The following IDO1 variants were observed in gnomAD, a reference collection of about 807,000 sequenced individuals.
IDO1 encodes the protein indoleamine 2,3-dioxygenase 1, also known as indolamine 2,3 dioxygenase.
Under a neutral mutation model 38.8 loss-of-function variants are expected in IDO1, and 35 were observed. That is an observed-to-expected ratio of 0.90 (90% CI 0.69 to 1.20). IDO1 has a LOEUF of 1.20. Ranked by LOEUF, IDO1 falls within the 50% of genes most tolerant of loss-of-function variation. The pLI is 0.00. For missense variants in IDO1, 509 were observed against 485.1 expected (o/e 1.05, Z -0.46); for synonymous variants, 171 against 170.0 (o/e 1.01, Z -0.05).
Position 39,927,929 on chromosome 8 carries a change from T to C in IDO1, c.956T>C (p.Phe319Ser). Residue 319 changes from phenylalanine (F) to serine (S), a missense_variant, in exon 10 of 10, where the codon TTT becomes TCT. Transcript: ENST00000518237. Reference sequence around the variant, plus strand: ...GAGTCAAATCCCTCAGTCCGTGAGTTTGTCCTTTCAAAAGGTGATGCTGGC... The same window carrying C: ...GAGTCAAATCCCTCAGTCCGTGAGTCTGTCCTTTCAAAAGGTGATGCTGGC... ...SLESNPSVRE[F>S]VLSKGDAGLR... The C allele has an allele frequency of 6.2e-7, 1 of 1,607,756 alleles. No individual in the cohort carries two copies. Among genetic ancestry groups the C allele is most frequent in the Non-Finnish European group, 8.5e-7 (1 of 1,177,034 alleles).
At chr8:39,916,094 A>G (rs1344242861) in intron 1 of IDO1, among the ~76,000 whole-genome samples, 1 of 152,152 alleles carries the variant, frequency 6.6e-6, no homozygotes, top group African/African-American at 2.4e-5. Flanking sequence ...TGAACCTGGG[A>G]GTCGGAGGTT....
Position 39,928,073 on chromosome 8 carries a change from C to T in IDO1, c.1100C>T (p.Thr367Ile), listed in dbSNP as rs1172368175. The stretch of plus-strand genomic sequence containing the variant: ...AGCCAGCAGCCAAAGGAGAATAAGA[C>T]CTCTGAAGACCCTTCAAAACTGGAA... ...PASQQPKENK[T>I]SEDPSKLEAK... The change falls in exon 10 of 10, where the codon ACC (threonine) becomes ATC (isoleucine). Residue 367 changes from threonine (T) to isoleucine (I), a missense_variant. By Grantham distance (89) the Thr-to-Ile change is moderately conservative. Coordinates refer to ENST00000518237, the MANE Select transcript of IDO1 (RefSeq NM_002164.6). 1 of 1,612,586 alleles carries T rather than the reference C, an allele frequency of 6.2e-7. No homozygotes were observed. The highest frequency in any genetic ancestry group is 8.5e-7 in the Non-Finnish European group (1 of 1,179,342).
chr8:39,924,781 T>A lies in IDO1; in HGVS notation c.707+9T>A. On this transcript the variant is annotated intron_variant, in intron 8 of 9. Coordinates refer to ENST00000518237, the MANE Select transcript of IDO1 (RefSeq NM_002164.6). ...CGCATATATTTGTCTGGGTATGTAG[T>A]CTTATGTTTGAATTTGTTTGCTCTC... 6.3e-7 allele frequency: 1 copy of A among 1,599,232 alleles called. No individual in the cohort carries two copies. The highest frequency in any genetic ancestry group is 8.6e-7 in the Non-Finnish European group (1 of 1,168,132).
chr8:39,920,245 A>C, intron 5 of IDO1, 131 bp downstream of exon 5: 1 of 653,686 alleles, frequency 1.5e-6, no homozygotes, highest in Non-Finnish European at 2.6e-6. Flanking sequence ...TTAAGTGACT[A>C]TTTAGAGAAC....
intron 6 of IDO1, 184 bp downstream of exon 6, chr8:39,922,835 G>A: frequency 1.7e-6 from 1 of 600,468 alleles, no homozygotes; most frequent in Non-Finnish European, 2.9e-6. Context: ...TAAAATCTCA[G>A]AGCCATATAC....
chr8:39,920,109 T>G lies in IDO1; in HGVS notation c.432T>G (p.Thr144=). The G allele has an allele frequency of 6.2e-7, 1 of 1,609,900 alleles. No homozygotes were observed. Reference sequence around the variant, plus strand: ...TGGCTGCTTTCATAAGGCCCCTGACTTATGAGTAAGTATCTGATTCTTGTT... The same window carrying G: ...TGGCTGCTTTCATAAGGCCCCTGACGTATGAGTAAGTATCTGATTCTTGTT... ...WKKKDPNKPL[T]YENMDVLFSF... is the part of the protein sequence containing the mutation. The change falls in exon 5 of 10, where the codon ACT becomes ACG. Residue 144 remains threonine (T), a synonymous_variant. Coordinates refer to ENST00000518237, the MANE Select transcript of IDO1 (RefSeq NM_002164.6).
chr8:39,924,124 A>C (rs1415080287), intron 7 of IDO1, among the ~76,000 whole-genome samples: 2 of 152,160 alleles, frequency 1.3e-5, no homozygotes, highest in Non-Finnish European at 2.9e-5. Flanking sequence ...TACTGAACAG[A>C]CTCAACAAAT....
chr8:39,926,438 G>A (rs1807360578), intron 9 of IDO1, among the ~76,000 whole-genome samples: 3 of 152,174 alleles, frequency 2.0e-5, no homozygotes, highest in African/African-American at 7.2e-5. Flanking sequence ...CCCTGCTCTT[G>A]TTCAGCTGTC....
Position 39,919,766 on chromosome 8 carries a change from A to G in IDO1, c.423-334A>G, listed in dbSNP as rs530906132. Among the ~76,000 whole-genome samples the G allele has an allele frequency of 9.9e-5, 15 of 152,258 alleles. No individual in the cohort carries two copies. The South Asian group carries it at 1.7e-3, about 17-fold the overall frequency. On this transcript the variant is annotated intron_variant, in intron 4 of 9. Coordinates refer to ENST00000518237, the MANE Select transcript of IDO1 (RefSeq NM_002164.6). ...AAGGCAGGAGGATCACTTCAGCCCAAGAAGTTGAGGCTGCAGTGAGCCATG... is the reference window on the plus strand; with the variant it reads ...AAGGCAGGAGGATCACTTCAGCCCAGGAAGTTGAGGCTGCAGTGAGCCATG...
At chr8:39,918,532 G>A in intron 3 of IDO1, 1 of 462,010 alleles carries the variant, frequency 2.2e-6, no homozygotes, top group Non-Finnish European at 3.9e-6. Context: ...GATCACCTGA[G>A]GTCAGGAGTT....
Position 39,922,665 on chromosome 8 carries a change from C to T in IDO1, c.537+14C>T. The T allele has an allele frequency of 6.4e-7, 1 of 1,553,508 alleles. No homozygotes were observed. Among genetic ancestry groups the T allele is most frequent in the Non-Finnish European group, 8.9e-7 (1 of 1,125,534 alleles). On this transcript the variant is annotated intron_variant, in intron 6 of 9. Transcript: ENST00000518237. Reference sequence around the variant, plus strand: ...TCTGCAATCAAAGTACGTCTATCCTCACTTCAAAATTTATATGTCAATTTA... The same window carrying T: ...TCTGCAATCAAAGTACGTCTATCCTTACTTCAAAATTTATATGTCAATTTA...
chr8:39,914,180 C>G, intron 1 of IDO1, 171 bp downstream of exon 1: 2 of 554,342 alleles, frequency 3.6e-6, no homozygotes, highest in Non-Finnish European at 6.5e-6. Context: ...ATTTGTCTTA[C>G]ATTTTCTCCC....
At chr8:39,927,047 G>A (rs1807370768) in intron 9 of IDO1, among the ~76,000 whole-genome samples, 3 of 152,032 alleles carry the variant, frequency 2.0e-5, no homozygotes, top group Admixed American at 2.0e-4. Context: ...TCTTTTTCAT[G>A]GCTGTGTAGT....
At chr8:39,915,179 C>G (rs1201360676) in intron 1 of IDO1, among the ~76,000 whole-genome samples, 8 of 152,152 alleles carry the variant, frequency 5.3e-5, no homozygotes, top group Non-Finnish European at 1.2e-4. Flanking sequence ...GCCTAAGCAG[C>G]CTGTCTCCAG....
In IDO1 at chr8:39,920,283, A is replaced by G. The variant is rs572681061; in HGVS notation, c.437+169A>G. On this transcript the variant is annotated intron_variant, in intron 5 of 9. Transcript: ENST00000518237. ...ATAATCTCAGTCTTTAATTGTATCTATGATTGTGTTACAACTATGTCTATC... is the reference window on the plus strand; with the variant it reads ...ATAATCTCAGTCTTTAATTGTATCTGTGATTGTGTTACAACTATGTCTATC... 2.8e-4 allele frequency among the ~76,000 whole-genome samples: 43 copies of G among 152,364 alleles called. 2 individuals are homozygous for G. In the South Asian group the frequency reaches 8.7e-3, roughly 31 times the overall value.
rs372512518 is a variant in IDO1 at position 39,923,508 on chromosome 8, C to A, written c.577C>A (p.Arg193=). ...ATTCAAGGCAATGCAAATGCAAGAA[C>A]GGGACACTTTGCTAAAGGCGCTGTT... is the stretch of plus-strand genomic sequence containing the variant. The part of the protein sequence containing the change: ...TVFKAMQMQE[R]DTLLKALLEI... The change falls in exon 7 of 10, where the codon CGG becomes AGG. Residue 193 remains arginine (R), a synonymous_variant. Transcript: ENST00000518237. 1 of 1,612,134 alleles carries A rather than the reference C, an allele frequency of 6.2e-7. No homozygotes were observed. Among genetic ancestry groups the A allele is most frequent in the East Asian group, 2.2e-5 (1 of 44,854 alleles).
rs545214196 is a variant in IDO1, at chr8:39,928,630, G to T, written c.*445G>T. ...CACCTGTAGTCCCAGCTACTCGGGAGGCTGAGGCAGGAGAATGGCGTGAAC... is the reference window on the plus strand; with the variant it reads ...CACCTGTAGTCCCAGCTACTCGGGATGCTGAGGCAGGAGAATGGCGTGAAC... On this transcript the variant is annotated 3_prime_UTR_variant, in exon 10 of 10. Transcript: ENST00000518237. 6.6e-6 allele frequency among the ~76,000 whole-genome samples: 1 copy of T among 152,022 alleles called. No individual in the cohort carries two copies. The highest frequency in any genetic ancestry group is 1.9e-4 in the East Asian group (1 of 5,162).
At position 39,922,577 on chromosome 8, in the gene IDO1, C is replaced by A. The variant is rs370075063; in HGVS notation, c.463C>A (p.Arg155Ser). The A allele has an allele frequency of 6.2e-7, 1 of 1,612,978 alleles. No individual in the cohort carries two copies. Among genetic ancestry groups the A allele is most frequent in the East Asian group, 2.2e-5 (1 of 44,858 alleles). Residue 155 changes from arginine (R) to serine (S), a missense_variant, in exon 6 of 10, where the codon CGT becomes AGT. Physicochemically the swap from Arg to Ser is moderately radical, Grantham distance 110. Transcript: ENST00000518237. ...GAACATGGACGTTTTGTTCTCATTT[C>A]GTGATGGAGACTGCAGTAAAGGATT... ...YENMDVLFSF[R>S]DGDCSKGFFL...
At chr8:39,916,157 C>T (rs1182954202) in intron 1 of IDO1, among the ~76,000 whole-genome samples, 2 of 151,152 alleles carry the variant, frequency 1.3e-5, no homozygotes, top group African/African-American at 4.9e-5. Context: ...CAGAGCGAGA[C>T]TCCATCTCAG....
Sources: allele counts gnomAD v4.1 joint callset (sites outside exome capture counted in the v4.1 genomes callset), GRCh38; gene constraint gnomAD v4.1.1; transcripts MANE v1.5; gene names NCBI Gene and HGNC (gene_info 2026-07-23, HGNC 2026-07-21).